The following ESF1 variants were observed in gnomAD, a reference collection of about 807,000 sequenced individuals.
ESF1 encodes ESF1 homolog.
ESF1 carries 58 observed loss-of-function variants against 92.0 expected under a neutral mutation model. That is an observed-to-expected ratio of 0.63 (90% confidence interval 0.51 to 0.78). ESF1 has a LOEUF of 0.78. Ranked by LOEUF, ESF1 falls within the 30% of genes least tolerant of loss-of-function variation. The pLI, the probability that ESF1 is intolerant of heterozygous loss-of-function variation, is 0.00. For synonymous variants in ESF1, 321 were observed against 313.7 expected (o/e 1.02, Z -0.24); for missense variants, 922 against 989.1 (o/e 0.93, Z 0.91).
In ESF1 at chr20:13,715,151, G is replaced by A. The variant is rs2049815667; in HGVS notation, c.2279C>T (p.Ala760Val). The change falls in exon 14 of 14, where the codon GCA becomes GTA. Residue 760 changes from alanine (A) to valine (V), a missense_variant. Coordinates refer to ENST00000617257, the MANE Select transcript of ESF1 (RefSeq NM_001276380.2). ...GGAAGTGTACATTGCCTGAAACCGTGCATCGTTAACATTTACCTGCAAATC... is the reference window on the plus strand; with the variant it reads ...GGAAGTGTACATTGCCTGAAACCGTACATCGTTAACATTTACCTGCAAATC... The part of the protein sequence containing the change: ...EDDFEVNVND[A>V]RFQAMYTSHL... 2.0e-6 allele frequency: 3 copies of A among 1,537,078 alleles called. No individual in the cohort carries two copies. The highest frequency in any genetic ancestry group is 1.9e-5 in the Admixed American group (1 of 52,680).
Position 13,759,794 on chromosome 20 carries a change from C to G in ESF1, c.1726G>C (p.Glu576Gln). ...TGCCTGTATTTAGCAATTTGTTCTT[C>G]ATCATCCTTCTGACTTTTCTTTGTT... ...GKTKKSQKDD[E>Q]EQIAKYRQLL... The change falls in exon 9 of 14, where the codon GAA (glutamate) becomes CAA (glutamine). Residue 576 changes from glutamate (E) to glutamine (Q), a missense_variant. Transcript: ENST00000617257. The G allele has an allele frequency of 6.3e-7, 1 of 1,594,586 alleles. No homozygotes were observed. The highest frequency in any genetic ancestry group is 1.1e-5 in the South Asian group (1 of 87,464).
At chr20:13,780,691 A>G (rs1980144064) in intron 2 of ESF1, among the ~76,000 whole-genome samples, 1 of 152,212 alleles carries the variant, frequency 6.6e-6, no homozygotes, top group East Asian at 1.9e-4. Context: ...CGGCCTATCA[A>G]GACCCCTCCT....
rs771754162 is a variant in ESF1, at chr20:13,759,842, C to T, written c.1678G>A (p.Val560Ile). Residue 560 changes from valine to isoleucine, a missense_variant, in exon 9 of 14, where the codon GTC (valine) becomes ATC (isoleucine). Coordinates refer to ENST00000617257, the MANE Select transcript of ESF1 (RefSeq NM_001276380.2). The stretch of plus-strand genomic sequence containing the variant: ...GTTTTCCCATCTTCTTCTACATTGA[C>T]TCCATCATCACCTAATGAAAAAAAA... ...IEEELQGDDG[V>I]NVEEDGKTKK... 6.3e-7 allele frequency: 1 copy of T among 1,592,382 alleles called. No homozygotes were observed. The highest frequency in any genetic ancestry group is 8.5e-7 in the Non-Finnish European group (1 of 1,174,150).
rs144263315 is a variant in ESF1 at position 13,728,708 on chromosome 20, T to C, written c.1951-243A>G. Among the ~76,000 whole-genome samples, 570 of 151,292 alleles carry C rather than the reference T, an allele frequency of 3.8e-3. 3 individuals carry two copies. Among genetic ancestry groups the C allele is most frequent in the African/African-American group, 0.013 (522 of 41,190 alleles). ...AGTGAAACCCCATTTCTTCTAAAAATACAAAAAAATTCGCTGGGCATGGTG... is the reference window on the plus strand; with the variant it reads ...AGTGAAACCCCATTTCTTCTAAAAACACAAAAAAATTCGCTGGGCATGGTG... On this transcript the variant is annotated intron_variant, in intron 10 of 13. Coordinates refer to ENST00000617257, the MANE Select transcript of ESF1 (RefSeq NM_001276380.2).
intron 9 of ESF1, among the ~76,000 whole-genome samples, chr20:13,736,770 G>A (rs1254181963): frequency 3.9e-5 from 6 of 152,122 alleles, no homozygotes; most frequent in Admixed American, 6.5e-5. Flanking sequence ...TTCGTGAAAT[G>A]TTTATTCTTA....
chr20:13,726,616 T>G (rs997614480), intron 11 of ESF1, among the ~76,000 whole-genome samples: 1 of 152,246 alleles, frequency 6.6e-6, no homozygotes, highest in Non-Finnish European at 1.5e-5. Flanking sequence ...ACCCTCATAC[T>G]ATTTATCTGT....
Position 13,775,271 on chromosome 20 carries a change from CTG to C in ESF1, c.1036-3_1036-2del, listed in dbSNP as rs1979879291. 6.4e-7 allele frequency: 1 copy of C among 1,561,382 alleles called. No individual in the cohort carries two copies. On this transcript the variant is annotated splice_acceptor_variant and splice_polypyrimidine_tract_variant and intron_variant, in intron 3 of 13. Transcript: ENST00000617257. LOFTEE classifies it high-confidence loss of function. The stretch of plus-strand genomic sequence containing the variant: ...TACAAACTGCTAATCGACGTGTAAT[CTG>C]AGAAATGAGAAGAATTAAATAGTAC...
rs6033818 is a variant in ESF1, at chr20:13,761,661, A to G, written c.1667-1808T>C. Among the ~76,000 whole-genome samples the G allele has an allele frequency of 9.4e-3, 1,434 of 152,304 alleles. 13 individuals carry two copies. The highest frequency in any genetic ancestry group is 0.033 in the African/African-American group (1,359 of 41,580). ...CAACGATCTCATTAATATATTAAGA[A>G]TAAAAATGAATTAGGAGTTACTTCA... On this transcript the variant is annotated intron_variant, in intron 8 of 13. Coordinates refer to ENST00000617257, the MANE Select transcript of ESF1 (RefSeq NM_001276380.2).
chr20:13,773,424 TCTCA>T (rs1979779209), intron 4 of ESF1, among the ~76,000 whole-genome samples: 1 of 152,204 alleles, frequency 6.6e-6, no homozygotes, highest in Admixed American at 6.5e-5. Context: ...GTCTAGAAAT[TCTCA>T]CTATTGCCTA....
At chr20:13,765,112 A>T (rs113650182) in intron 8 of ESF1, among the ~76,000 whole-genome samples, 1 of 152,144 alleles carries the variant, frequency 6.6e-6, no homozygotes, top group Non-Finnish European at 1.5e-5. Flanking sequence ...AGTCCCAGCT[A>T]CTTGGGAGGC....
chr20:13,778,696 T>C (rs1980051729), intron 2 of ESF1, among the ~76,000 whole-genome samples: 2 of 151,944 alleles, frequency 1.3e-5, no homozygotes, highest in Admixed American at 1.3e-4. Flanking sequence ...CTTAAAGAGG[T>C]CTTCCATTTC....
Position 13,772,629 on chromosome 20 carries a change from A to T in ESF1, c.1150-14T>A. 1.3e-6 allele frequency: 2 copies of T among 1,550,350 alleles called. No individual in the cohort carries two copies. The highest frequency in any genetic ancestry group is 1.1e-5 in the South Asian group (1 of 89,828). On this transcript the variant is annotated splice_polypyrimidine_tract_variant and intron_variant, in intron 4 of 13. Transcript: ENST00000617257. Reference sequence around the variant, plus strand: ...TGAAGGATATATCTAAACAGAAAAAAATAGGATCAATGTAATTTGTACATT... The same window carrying T: ...TGAAGGATATATCTAAACAGAAAAATATAGGATCAATGTAATTTGTACATT...
At chr20:13,717,347 A>G (rs773399041) in intron 13 of ESF1, 21 bp downstream of exon 13, 1 of 1,612,494 alleles carries the variant, frequency 6.2e-7, no homozygotes, top group Non-Finnish European at 8.5e-7. Flanking sequence ...TTAAGAGGCT[A>G]TGCCTGGTGT....
Position 13,716,804 on chromosome 20 carries a change from A to ATTTTTTTTTTT in ESF1, c.2262+553_2262+563dup, listed in dbSNP as rs71188180. Among the ~76,000 whole-genome samples, 120 of 45,912 alleles carry ATTTTTTTTTTT rather than the reference A, an allele frequency of 2.6e-3. 10 individuals carry two copies. The highest frequency in any genetic ancestry group is 4.1e-3 in the East Asian group (5 of 1,224). 30.1% of individuals were successfully genotyped at this position (45,912 alleles called of 152,430 possible). On this transcript the variant is annotated intron_variant, in intron 13 of 13. Coordinates refer to ENST00000617257, the MANE Select transcript of ESF1 (RefSeq NM_001276380.2). ...TACAGGTGTGCGCCACTATACCTGG[A>ATTTTTTTTTTT]TTTTTTTTTTTTTTTTTTTTTTTTT...
intron 13 of ESF1, among the ~76,000 whole-genome samples, 193 bp from the exon 14 acceptor site, chr20:13,715,360 T>G (rs2049817559): frequency 6.6e-6 from 1 of 152,104 alleles, no homozygotes. Context: ...CCACAACTTG[T>G]GGGGCACCCT....
At chr20:13,727,639 G>T (rs141271564) in intron 11 of ESF1, among the ~76,000 whole-genome samples, 1 of 152,190 alleles carries the variant, frequency 6.6e-6, no homozygotes, top group Non-Finnish European at 1.5e-5. Flanking sequence ...ACCAAGTATG[G>T]CCTGAACCTT....
Position 13,782,873 on chromosome 20 carries a change from T to G in ESF1, c.268A>C (p.Ser90Arg). 6.2e-7 allele frequency: 1 copy of G among 1,612,402 alleles called. No individual in the cohort carries two copies. Among genetic ancestry groups the G allele is most frequent in the Non-Finnish European group, 8.5e-7 (1 of 1,179,810 alleles). ...TTTTTCTTCTTTATTTTCTTTTGAC[T>G]CAATGCTTTGCTATCTTCACCAGAG... ...NLSGEDSKAL[S>R]QKKIKKKKTQ... Residue 90 changes from serine to arginine, a missense_variant, in exon 2 of 14, where the codon AGT becomes CGT. Physicochemically the swap from Ser to Arg is moderately radical, Grantham distance 110. Transcript: ENST00000617257.
intron 11 of ESF1, among the ~76,000 whole-genome samples, chr20:13,723,874 T>C (rs987880856): frequency 9.2e-5 from 14 of 152,264 alleles, no homozygotes; most frequent in Non-Finnish European, 8.8e-5. Context: ...ATAATGACTA[T>C]ATTTTACTTC....
At chr20:13,736,877 T>C (rs991933322) in intron 9 of ESF1, among the ~76,000 whole-genome samples, 5 of 152,180 alleles carry the variant, frequency 3.3e-5, no homozygotes, top group African/African-American at 1.2e-4. Flanking sequence ...GGCTCTCACT[T>C]AATACACCCA....
Sources: gnomAD v4.1 joint callset for allele counts (sites outside exome capture counted in the v4.1 genomes callset) on GRCh38, gnomAD v4.1.1 for gene constraint, MANE v1.5 for transcripts, NCBI Gene and HGNC (gene_info 2026-07-23, HGNC 2026-07-21) for gene names.